The following ALPL variants were observed in gnomAD, a reference collection of about 807,000 sequenced individuals.
ALPL encodes the protein alkaline phosphatase, tissue-nonspecific isozyme.
ALPL carries 42 observed loss-of-function variants against 51.3 expected under a neutral mutation model. The ratio of observed to expected loss-of-function variants is 0.82; its 90% confidence interval spans 0.64 to 1.06. The LOEUF is 1.06. Among genes scored for constraint, ALPL ranks in the 50% least tolerant of loss-of-function variants. The probability of loss-of-function intolerance (pLI) is 0.00; values close to 1 mark genes in which losing one functional copy is unlikely to be tolerated. For synonymous variants in ALPL, 279 were observed against 296.4 expected, an observed-to-expected ratio of 0.94 and a Z score of 0.60; for missense variants, 589 against 709.4, an observed-to-expected ratio of 0.83 and a Z score of 1.93.
rs144563531 is a variant in ALPL at position 21,537,726 on chromosome 1, T to C, written c.-104-16252T>C. Among the ~76,000 whole-genome samples the C allele has an allele frequency of 3.6e-3, 549 of 152,320 alleles. 5 individuals carry two copies. Among genetic ancestry groups the C allele is most frequent in the African/African-American group, 0.013 (530 of 41,576 alleles). ...ATGGGGGTGGCACGTACACTGGACA[T>C]GGAGCTGGACGGACCTGGCCTGAAT... On this transcript the variant is annotated intron_variant, in intron 1 of 11. Transcript: ENST00000374840.
At position 21,577,609 on chromosome 1, in the gene ALPL, GC is replaced by G; in HGVS notation, c.1537del (p.Leu513SerfsTer8). ...GCAGCCTTGCTGCAGGCCCCCTGCT[GC>G]TCGCGCTGGCCCTCTACCCCCTGAG... ...AGSLAAGPLL[L>X]ALALYPLSVL... On this transcript the variant is annotated frameshift_variant, in exon 12 of 12. Transcript: ENST00000374840. LOFTEE classifies it high-confidence loss of function. The G allele has an allele frequency of 6.2e-7, 1 of 1,600,086 alleles. No homozygotes were observed. The highest frequency in any genetic ancestry group is 8.5e-7 in the Non-Finnish European group (1 of 1,179,540).
intron 1 of ALPL, among the ~76,000 whole-genome samples, chr1:21,547,437 C>T (rs1390408856): frequency 6.6e-6 from 1 of 152,176 alleles, no homozygotes; most frequent in Non-Finnish European, 1.5e-5. Context: ...GGATGTGGTC[C>T]TCACGGTGGC....
At chr1:21,574,127 A>G in intron 9 of ALPL, 1 of 985,418 alleles carries the variant, frequency 1.0e-6, no homozygotes, top group African/African-American at 1.7e-5. Context: ...TGCCCAGAAA[A>G]GCAAATCCGC....
intron 1 of ALPL, among the ~76,000 whole-genome samples, chr1:21,521,932 G>T (rs1056584193): frequency 6.6e-6 from 1 of 152,146 alleles, no homozygotes; most frequent in Non-Finnish European, 1.5e-5. Flanking sequence ...TTTGTTGAAT[G>T]AATGAATACT....
chr1:21,552,566 T>A (rs1043186524), intron 1 of ALPL, among the ~76,000 whole-genome samples: 6 of 152,060 alleles, frequency 3.9e-5, no homozygotes, highest in Non-Finnish European at 8.8e-5. Flanking sequence ...AAGAAACTTT[T>A]AAAAAATTAA....
intron 1 of ALPL, among the ~76,000 whole-genome samples, chr1:21,539,695 C>A (rs1644156244): frequency 6.7e-6 from 1 of 150,116 alleles, no homozygotes; most frequent in African/African-American, 2.5e-5. Flanking sequence ...CACTCTGTCA[C>A]CCAGGCTGGA....
intron 9 of ALPL, chr1:21,574,550 C>G (rs1375317778): frequency 6.6e-6 from 1 of 152,488 alleles, no homozygotes; most frequent in African/African-American, 2.4e-5. Context: ...CATGCACACA[C>G]GTGAACATGT....
intron 2 of ALPL, among the ~76,000 whole-genome samples, chr1:21,558,271 C>T (rs1222564753): frequency 6.6e-6 from 1 of 152,190 alleles, no homozygotes; most frequent in Non-Finnish European, 1.5e-5. Context: ...AGGTGTGGGG[C>T]GGGCTGATGT....
At chr1:21,510,164 C>T (rs1643654082) in intron 1 of ALPL, among the ~76,000 whole-genome samples, 3 of 152,172 alleles carry the variant, frequency 2.0e-5, no homozygotes. Context: ...AGGAGCCTGC[C>T]GCCCCCTTTA....
intron 1 of ALPL, among the ~76,000 whole-genome samples, chr1:21,545,268 TG>T (rs1463977807): frequency 5.9e-5 from 9 of 152,004 alleles, no homozygotes; most frequent in African/African-American, 1.7e-4. Context: ...CACCAAGTTT[TG>T]GGGGTTTTTT....
chr1:21,511,062 A>G (rs753860811), intron 1 of ALPL, among the ~76,000 whole-genome samples: 2 of 152,230 alleles, frequency 1.3e-5, no homozygotes, highest in Non-Finnish European at 2.9e-5. Flanking sequence ...ACAAGATGCT[A>G]TCTTCATTCA....
At chr1:21,560,436 C>T (rs1644466946) in intron 2 of ALPL, among the ~76,000 whole-genome samples, 190 bp from the exon 3 acceptor site, 1 of 152,128 alleles carries the variant, frequency 6.6e-6, no homozygotes, top group Non-Finnish European at 1.5e-5. Context: ...CCAGGGTCCA[C>T]AGGCTTTTCT....
intron 1 of ALPL, among the ~76,000 whole-genome samples, chr1:21,512,105 GA>G (rs1643700127): frequency 6.6e-6 from 1 of 152,192 alleles, no homozygotes; most frequent in African/African-American, 2.4e-5. Flanking sequence ...GCTGGGCTGA[GA>G]ACCAGCACTC....
chr1:21,516,935 G>A (rs1031024464), intron 1 of ALPL, among the ~76,000 whole-genome samples: 1 of 152,126 alleles, frequency 6.6e-6, no homozygotes, highest in Non-Finnish European at 1.5e-5. Flanking sequence ...GTAGAAAATG[G>A]TTATAACACC....
chr1:21,545,315 G>A (rs956023017), intron 1 of ALPL, among the ~76,000 whole-genome samples: 1 of 150,882 alleles, frequency 6.6e-6, no homozygotes, highest in Non-Finnish European at 1.5e-5. Context: ...TTTTAAGACA[G>A]AGTCTCACTC....
intron 2 of ALPL, among the ~76,000 whole-genome samples, chr1:21,555,179 G>C (rs1192592101): frequency 6.6e-6 from 1 of 151,910 alleles, no homozygotes; most frequent in Non-Finnish European, 1.5e-5. Flanking sequence ...GGTGCTCAGT[G>C]GGGGAGCTTT....
chr1:21,573,576 G>C (rs931293045), intron 8 of ALPL, 89 bp from the exon 9 acceptor site: 14 of 1,530,522 alleles, frequency 9.1e-6, no homozygotes, highest in African/African-American at 1.4e-5. Flanking sequence ...TGGGGAGCCT[G>C]CATTCCCTGA....
rs1430260656 is a variant in ALPL, at chr1:21,509,781, G to A, written c.-105+264G>A. ...GCGCCCGCGGAGCCGGCGAACTCAG[G>A]GGACCGCGCTCGGGACCGCCCTGCA... On this transcript the variant is annotated intron_variant, in intron 1 of 11. Coordinates refer to ENST00000374840, the MANE Select transcript of ALPL (RefSeq NM_000478.6). This position sits in a 1 kb window ranked among gnomAD's most constrained non-coding sequence, Gnocchi z 6.0. Among the ~76,000 whole-genome samples, 1 of 152,034 alleles carries A rather than the reference G, an allele frequency of 6.6e-6. No homozygotes were observed. The highest frequency in any genetic ancestry group is 1.5e-5 in the Non-Finnish European group (1 of 67,968).
At chr1:21,510,571 A>C (rs1643666585) in intron 1 of ALPL, among the ~76,000 whole-genome samples, 2 of 152,202 alleles carry the variant, frequency 1.3e-5, no homozygotes, top group Admixed American at 1.3e-4. Context: ...ACATCATTTC[A>C]TTTTACAAAT....
Sources: allele counts gnomAD v4.1 joint callset (sites outside exome capture counted in the v4.1 genomes callset), GRCh38; gene constraint gnomAD v4.1.1; non-coding constraint Gnocchi (gnomAD v3.1); transcripts MANE v1.5; gene names NCBI Gene and HGNC (gene_info 2026-07-23, HGNC 2026-07-21).